Variants in RASGEF1A observed in about 807,000 individuals in gnomAD.
The protein encoded by RASGEF1A is ras-GEF domain-containing family member 1A.
In RASGEF1A, 18 loss-of-function variants were observed where a neutral mutation model predicts 56.4. The ratio of observed to expected loss-of-function variants is 0.32; its 90% CI spans 0.22 to 0.47. The LOEUF is 0.47. Ranked by LOEUF, RASGEF1A falls within the 20% of genes least tolerant of loss-of-function variation. RASGEF1A has a pLI of 1.00. For synonymous variants in RASGEF1A, 245 were observed against 242.6 expected, an observed-to-expected ratio of 1.01 and a Z score of -0.09; for missense variants, 422 against 627.1, an observed-to-expected ratio of 0.67 and a Z score of 3.49.
intron 1 of RASGEF1A, among the ~76,000 whole-genome samples, chr10:43,223,004 T>G (rs1345004821): frequency 3.4e-5 from 3 of 87,062 alleles, no homozygotes; most frequent in Non-Finnish European, 6.8e-5. Context: ...ACTTTATTGG[T>G]TTTTTTTTTA....
At chr10:43,226,623 G>A (rs150566829) in intron 1 of RASGEF1A, among the ~76,000 whole-genome samples, 170 of 152,158 alleles carry the variant, frequency 1.1e-3, no homozygotes, top group Non-Finnish European at 2.1e-3. Context: ...AGGGACCCAG[G>A]CAGCCCAGAA....
intron 1 of RASGEF1A, among the ~76,000 whole-genome samples, chr10:43,251,575 A>G (rs1840627983): frequency 6.6e-6 from 1 of 152,178 alleles, no homozygotes; most frequent in Admixed American, 6.5e-5. Flanking sequence ...GTGAAAATTG[A>G]GATGTCAGCC....
At chr10:43,231,785 G>C (rs113240877) in intron 1 of RASGEF1A, among the ~76,000 whole-genome samples, 2 of 152,258 alleles carry the variant, frequency 1.3e-5, no homozygotes, top group African/African-American at 4.8e-5. Context: ...CCTGCCAGGC[G>C]TCCTGCTTGC....
In RASGEF1A at chr10:43,249,903, G is replaced by A. The variant is rs1217252038; in HGVS notation, c.-7+16942C>T. On this transcript the variant is annotated intron_variant, in intron 1 of 12. Coordinates refer to ENST00000395810, the MANE Select transcript of RASGEF1A (RefSeq NM_145313.4). ...CCTAATCAGGGAAGGTGCTCCTGCA[G>A]GGACTTTCACGTGTGTTTAAAAGCA... is the stretch of plus-strand genomic sequence containing the variant. 2.0e-5 allele frequency among the ~76,000 whole-genome samples: 3 copies of A among 152,230 alleles called. No individual in the cohort carries two copies. The South Asian group carries it at 6.2e-4, about 32-fold the overall frequency.
At chr10:43,230,640 C>A (rs1027779441) in intron 1 of RASGEF1A, among the ~76,000 whole-genome samples, 1 of 152,180 alleles carries the variant, frequency 6.6e-6, no homozygotes, top group Admixed American at 6.5e-5. Context: ...TTGAACCTCA[C>A]AGAGAGGCTC....
intron 1 of RASGEF1A, among the ~76,000 whole-genome samples, chr10:43,263,414 G>C (rs1188278847): frequency 6.6e-6 from 1 of 152,190 alleles, no homozygotes; most frequent in East Asian, 1.9e-4. Flanking sequence ...CAGGCGACCA[G>C]GGTGCGGACG....
intron 1 of RASGEF1A, among the ~76,000 whole-genome samples, chr10:43,225,975 T>C (rs757287756): frequency 2.1e-5 from 3 of 145,352 alleles, no homozygotes; most frequent in Non-Finnish European, 3.0e-5. Context: ...ATTTGGGAAA[T>C]GCCAGGGGCT....
At chr10:43,258,328 G>A (rs1158728367) in intron 1 of RASGEF1A, among the ~76,000 whole-genome samples, 1 of 152,234 alleles carries the variant, frequency 6.6e-6, no homozygotes, top group Non-Finnish European at 1.5e-5. Context: ...CCTCTCAGGA[G>A]GCTGAGGTGA....
intron 1 of RASGEF1A, among the ~76,000 whole-genome samples, chr10:43,232,763 A>G (rs1239437902): frequency 6.6e-6 from 1 of 152,192 alleles, no homozygotes; most frequent in African/African-American, 2.4e-5. Context: ...CTGGGATTAC[A>G]GGCATGAGCC....
At chr10:43,225,563 G>A (rs1460692270) in intron 1 of RASGEF1A, among the ~76,000 whole-genome samples, 1 of 147,518 alleles carries the variant, frequency 6.8e-6, no homozygotes, top group Non-Finnish European at 1.5e-5. Flanking sequence ...CTGTGTGTGG[G>A]TGTCTGTGTA....
intron 1 of RASGEF1A, among the ~76,000 whole-genome samples, chr10:43,211,373 T>G (rs1057336807): frequency 1.3e-5 from 2 of 152,164 alleles, no homozygotes; most frequent in African/African-American, 4.8e-5. Context: ...GTCACACCCC[T>G]GACCTGCACA....
At chr10:43,257,750 C>G (rs117929856) in intron 1 of RASGEF1A, among the ~76,000 whole-genome samples, 7,820 of 152,284 alleles carry the variant, frequency 0.051, 272 homozygotes, top group South Asian at 0.09. Flanking sequence ...CTGCACTGAC[C>G]ATTTTCACAT....
chr10:43,210,239 AGGT>A (rs10608756), intron 1 of RASGEF1A, among the ~76,000 whole-genome samples: 1,687 of 152,270 alleles, frequency 0.011, 29 homozygotes, highest in African/African-American at 0.038. Context: ...TGAGAGGCCG[AGGT>A]GGATGGATCG....
At chr10:43,255,457 C>T (rs1042682328) in intron 1 of RASGEF1A, among the ~76,000 whole-genome samples, 8 of 152,178 alleles carry the variant, frequency 5.3e-5, no homozygotes, top group African/African-American at 1.7e-4. Flanking sequence ...ACAGCTGCCC[C>T]CACCTCCTCT....
intron 1 of RASGEF1A, among the ~76,000 whole-genome samples, chr10:43,216,422 T>G (rs905854618): frequency 2.0e-5 from 3 of 152,192 alleles, no homozygotes; most frequent in Non-Finnish European, 4.4e-5. Flanking sequence ...GTCCTCACCT[T>G]ACCCTGCGGG....
In RASGEF1A at chr10:43,196,612, T is replaced by G; in HGVS notation, c.1349-64A>C. The G allele has an allele frequency of 5.0e-5, 71 of 1,425,056 alleles. No individual in the cohort carries two copies. The highest frequency in any genetic ancestry group is 6.6e-5 in the Non-Finnish European group (67 of 1,015,978). The allele number at this position is 1,425,056 out of a possible 1,614,324, so 88.3% of individuals were successfully genotyped here. ...TGCAGTGTCTGCCTGAACCCAGCTG[T>G]CCCTTCAGGAGTACAGCCCAGCACA... On this transcript the variant is annotated intron_variant, in intron 11 of 12. Transcript: ENST00000395810. The surrounding 1 kb of genome is among the most constrained non-coding windows in gnomAD (Gnocchi z 4.6).
chr10:43,253,409 C>T (rs1255164538), intron 1 of RASGEF1A, among the ~76,000 whole-genome samples: 2 of 152,242 alleles, frequency 1.3e-5, no homozygotes, highest in Non-Finnish European at 2.9e-5. Context: ...GGAATGTTCC[C>T]GTATTCGGCA....
intron 6 of RASGEF1A, 29 bp from the exon 7 acceptor site, chr10:43,199,797 G>C: frequency 1.3e-6 from 2 of 1,579,594 alleles, no homozygotes; most frequent in Non-Finnish European, 1.7e-6. Flanking sequence ...GTCATAGGGG[G>C]CCTGGAGGAC....
At chr10:43,214,882 GC>G (rs1187502001) in intron 1 of RASGEF1A, among the ~76,000 whole-genome samples, 1 of 152,178 alleles carries the variant, frequency 6.6e-6, no homozygotes, top group Non-Finnish European at 1.5e-5. Flanking sequence ...CAGGGAGACA[GC>G]CCGGAGAGGC....
Sources: allele counts gnomAD v4.1 joint callset (sites outside exome capture counted in the v4.1 genomes callset), GRCh38; gene constraint gnomAD v4.1.1; non-coding constraint Gnocchi (gnomAD v3.1); transcripts MANE v1.5; gene names NCBI Gene and HGNC (gene_info 2026-07-23, HGNC 2026-07-21).